Variants in SCN1A observed in about 807,000 individuals in gnomAD.
SCN1A encodes sodium channel protein type 1 subunit alpha.
In SCN1A, 13 loss-of-function variants were observed where a neutral mutation model predicts 193.7. That is an observed-to-expected ratio of 0.07 (90% CI 0.04 to 0.11). The LOEUF (loss-of-function observed/expected upper bound fraction) is 0.11, where lower values mean the gene tolerates loss of function less well. Among genes scored for constraint, SCN1A ranks in the 10% least tolerant of loss-of-function variants. The pLI is 1.00. For missense variants in SCN1A, 1,432 were observed against 2,451.1 expected, an observed-to-expected ratio of 0.58 and a Z score of 8.78; for synonymous variants, 781 against 843.6, an observed-to-expected ratio of 0.93 and a Z score of 1.29.
chr2:166,023,115 G>T (rs1477359896), intron 19 of SCN1A, among the ~76,000 whole-genome samples: 3 of 152,174 alleles, frequency 2.0e-5, no homozygotes, highest in Non-Finnish European at 4.4e-5. Flanking sequence ...ATTACAATAA[G>T]TATGCATATT....
At chr2:166,094,066 A>AC in intron 2 of SCN1A, among the ~76,000 whole-genome samples, 1 of 151,994 alleles carries the variant, frequency 6.6e-6, no homozygotes, top group Non-Finnish European at 1.5e-5. Flanking sequence ...CACACACACA[A>AC]AAATGATCTT....
intron 4 of SCN1A, among the ~76,000 whole-genome samples, chr2:166,065,636 T>G (rs1486756564): frequency 6.6e-6 from 1 of 152,156 alleles, no homozygotes; most frequent in Non-Finnish European, 1.5e-5. Flanking sequence ...AATTTTTTCC[T>G]TCCAACCAGT....
chr2:166,037,743 T>C, intron 18 of SCN1A, 33 bp downstream of exon 18: 1 of 1,601,708 alleles, frequency 6.2e-7, no homozygotes, highest in Middle Eastern at 1.7e-4. Context: ...TGCTGGTGTA[T>C]TTCCAAAATG....
chr2:166,074,125 T>A (rs1483664429), intron 3 of SCN1A, among the ~76,000 whole-genome samples: 1 of 152,136 alleles, frequency 6.6e-6, no homozygotes, highest in East Asian at 1.9e-4. Context: ...GCCAAGATAG[T>A]CAGGATAGTT....
intron 1 of SCN1A, among the ~76,000 whole-genome samples, chr2:166,140,372 C>A (rs560783921): frequency 1.3e-5 from 2 of 152,228 alleles, no homozygotes; most frequent in East Asian, 3.9e-4. Context: ...AGAGACATTT[C>A]TACAAGTAGC....
At chr2:166,033,739 G>A (rs1206001543) in intron 19 of SCN1A, among the ~76,000 whole-genome samples, 1 of 151,768 alleles carries the variant, frequency 6.6e-6, no homozygotes, top group African/African-American at 2.4e-5. Flanking sequence ...GTTTCTTTTA[G>A]CCTTGATCAA....
Position 166,046,781 on chromosome 2 carries a change from C to T in SCN1A, c.1366G>A (p.Glu456Lys). The change falls in exon 12 of 29, where the codon GAG becomes AAG. Residue 456 changes from glutamate to lysine, a missense_variant. Physicochemically the swap from Glu to Lys is moderately conservative, Grantham distance 56. Coordinates refer to ENST00000674923, the MANE Select transcript of SCN1A (RefSeq NM_001165963.4). Reference sequence around the variant, plus strand: ...CAGGGCAGCTTTACCTGAGCTGCCTCCTGTTGCTTTTTAAGCTGTTCAATC... The same window carrying T: ...CAGGGCAGCTTTACCTGAGCTGCCTTCTGTTGCTTTTTAAGCTGTTCAATC... ...QMIEQLKKQQ[E>K]AAQQAATATA... 1 of 1,613,640 alleles carries T rather than the reference C, an allele frequency of 6.2e-7. No homozygotes were observed. Among genetic ancestry groups the T allele is most frequent in the East Asian group, 2.2e-5 (1 of 44,872 alleles).
chr2:166,073,701 G>A, intron 3 of SCN1A, 31 bp from the exon 4 acceptor site: 1 of 1,468,658 alleles, frequency 6.8e-7, no homozygotes, highest in Non-Finnish European at 9.5e-7. Context: ...ATATTTTAAA[G>A]AGTGGACTAA....
At chr2:166,052,309 A>G (rs1278813946) in intron 8 of SCN1A, among the ~76,000 whole-genome samples, 3 of 151,898 alleles carry the variant, frequency 2.0e-5, no homozygotes. Context: ...TCATATTTTC[A>G]TTAGGGTCAG....
At chr2:166,030,461 A>G (rs1390822542) in intron 19 of SCN1A, among the ~76,000 whole-genome samples, 1 of 143,310 alleles carries the variant, frequency 7.0e-6, no homozygotes, top group Non-Finnish European at 1.5e-5. Flanking sequence ...GCAAAAACAA[A>G]TGTATTTCTT....
intron 24 of SCN1A, chr2:166,000,002 C>T: frequency 1.8e-6 from 1 of 558,476 alleles, no homozygotes; most frequent in Non-Finnish European, 3.2e-6. Flanking sequence ...CCCTTGATAA[C>T]CAACTCACAA....
intron 25 of SCN1A, among the ~76,000 whole-genome samples, chr2:165,998,654 T>C (rs1276069936): frequency 1.3e-5 from 2 of 151,326 alleles, no homozygotes; most frequent in African/African-American, 4.8e-5. Context: ...TAAGTAGACA[T>C]AGATGGACAG....
intron 6 of SCN1A, among the ~76,000 whole-genome samples, chr2:166,055,814 T>C (rs76042440): frequency 0.015 from 2,330 of 152,094 alleles, 66 homozygotes; most frequent in African/African-American, 0.053. Context: ...ATCATCAATA[T>C]AGTTAGTAAT....
intron 25 of SCN1A, among the ~76,000 whole-genome samples, chr2:165,998,782 A>G (rs1280629466): frequency 1.3e-5 from 2 of 151,498 alleles, no homozygotes; most frequent in East Asian, 3.9e-4. Context: ...TAACAGATTC[A>G]TGTCCTTCTA....
intron 2 of SCN1A, among the ~76,000 whole-genome samples, chr2:166,118,821 T>G (rs956187362): frequency 1.3e-5 from 2 of 152,198 alleles, no homozygotes; most frequent in Non-Finnish European, 2.9e-5. Context: ...AACTCTGAGA[T>G]CCGGTTTCTC....
At chr2:166,024,701 C>T (rs1454611720) in intron 19 of SCN1A, among the ~76,000 whole-genome samples, 1 of 152,090 alleles carries the variant, frequency 6.6e-6, no homozygotes, top group Non-Finnish European at 1.5e-5. Flanking sequence ...CTCATTCTGT[C>T]ACCCAGGCTG....
At chr2:166,038,215 G>T in intron 17 of SCN1A, 83 bp from the exon 18 acceptor site, 3 of 1,081,266 alleles carry the variant, frequency 2.8e-6, no homozygotes, top group East Asian at 5.2e-5. Flanking sequence ...ATGGTCATTA[G>T]AATTCAATAT....
At chr2:166,026,679 C>CTTTTTTTTTTTTTTTTTTT (rs35750460) in intron 19 of SCN1A, among the ~76,000 whole-genome samples, 1 of 97,712 alleles carries the variant, frequency 1.0e-5, no homozygotes, top group Non-Finnish European at 1.9e-5. Context: ...TTCTTTCTTT[C>CTTTTTTTTTTTTTTTTTTT]TTTTTTTTTT....
intron 1 of SCN1A, among the ~76,000 whole-genome samples, chr2:166,145,330 C>T (rs1692278116): frequency 6.6e-6 from 1 of 151,992 alleles, no homozygotes; most frequent in African/African-American, 2.4e-5. Context: ...AGCCACCACT[C>T]CCGGCAGGGA....
Sources: gnomAD v4.1 joint callset for allele counts (sites outside exome capture counted in the v4.1 genomes callset) on GRCh38, gnomAD v4.1.1 for gene constraint, MANE v1.5 for transcripts, NCBI Gene and HGNC (gene_info 2026-07-23, HGNC 2026-07-21) for gene names.